The following DACH2 variants were observed in gnomAD, a reference collection of about 807,000 sequenced individuals.
DACH2 encodes the protein dachshund family transcription factor 2.
A neutral mutation model predicts 35.8 loss-of-function variants in DACH2; 17 were observed. The ratio of observed to expected loss-of-function variants is 0.48; its 90% CI spans 0.33 to 0.71. The LOEUF (loss-of-function observed/expected upper bound fraction) is 0.71, where lower values mean the gene tolerates loss of function less well. Ranked by LOEUF, DACH2 falls within the 30% of genes least tolerant of loss-of-function variation. The pLI, the probability that DACH2 is intolerant of heterozygous loss-of-function variation, is 0.02. For synonymous variants in DACH2, 195 were observed against 177.3 expected (o/e 1.10, Z -0.79); for missense variants, 469 against 472.7 (o/e 0.99, Z 0.07).
At chrX:86,275,398 A>G (rs1190163391) in intron 1 of DACH2, among the ~76,000 whole-genome samples, 1 of 111,330 alleles carries the variant, frequency 9.0e-6, no homozygotes, top group East Asian at 2.8e-4. Flanking sequence ...TTTAACCTTT[A>G]AAGTTTTTCA....
chrX:86,827,920 T>C lies in DACH2; in HGVS notation c.1751-4186T>C, dbSNP rs145536360. Reference sequence around the variant, plus strand: ...TTACTGTTTGTTCATTACTGATAAATAGAACCTTACACATACAGGAAAAAT... The same window carrying C: ...TTACTGTTTGTTCATTACTGATAAACAGAACCTTACACATACAGGAAAAAT... On this transcript the variant is annotated intron_variant, in intron 11 of 11. Transcript: ENST00000373125. 9.9e-4 allele frequency: 666 copies of C among 675,442 alleles called. 2 individuals carry two copies. In the African/African-American group the frequency reaches 0.013, roughly 13 times the overall value. 55.7% of individuals were successfully genotyped at this position (675,442 alleles called of 1,213,427 possible). A position where few individuals can be genotyped will look rare whatever the true frequency, so the allele number is the denominator to read the frequency against.
At chrX:86,476,879 A>C (rs954935677) in intron 2 of DACH2, among the ~76,000 whole-genome samples, 1 of 110,987 alleles carries the variant, frequency 9.0e-6, no homozygotes, top group Non-Finnish European at 1.9e-5. Context: ...GAAGGTTTTC[A>C]ATTTTCTTCT....
intron 1 of DACH2, among the ~76,000 whole-genome samples, chrX:86,318,008 C>T (rs1265506968): frequency 9.0e-6 from 1 of 111,677 alleles, no homozygotes; most frequent in Non-Finnish European, 1.9e-5. Flanking sequence ...GTAAAACAAC[C>T]AGTTTTTCCA....
intron 1 of DACH2, among the ~76,000 whole-genome samples, chrX:86,211,318 T>C (rs780214990): frequency 1.8e-5 from 2 of 111,767 alleles, no homozygotes; most frequent in South Asian, 3.7e-4. Flanking sequence ...CTCTTAAGTA[T>C]ATTTATATAT....
At chrX:86,515,473 C>T (rs1427710526) in intron 3 of DACH2, among the ~76,000 whole-genome samples, 1 of 110,373 alleles carries the variant, frequency 9.1e-6, no homozygotes, top group East Asian at 2.9e-4. Flanking sequence ...TGGGGAGTAG[C>T]AGTTAAGTTG....
intron 1 of DACH2, among the ~76,000 whole-genome samples, chrX:86,187,401 C>G (rs1314004823): frequency 9.3e-6 from 1 of 107,391 alleles, no homozygotes; most frequent in Non-Finnish European, 1.9e-5. Flanking sequence ...AATAAGGTAG[C>G]TTGCTATCTG....
chrX:86,286,180 TGCAGTGGCGCAATCTCGGCTCACTGCAA>T (rs1366597119), intron 1 of DACH2, among the ~76,000 whole-genome samples: 1 of 78,256 alleles, frequency 1.3e-5, no homozygotes, highest in East Asian at 5.0e-4. Context: ...GACTGCGGAC[TGCAGTGGCGCAATCTCGGCTCACTGCAA>T]GCTCCGCTTC....
At chrX:86,194,326 T>C (rs1444680014) in intron 1 of DACH2, among the ~76,000 whole-genome samples, 2 of 111,753 alleles carry the variant, frequency 1.8e-5, no homozygotes, top group African/African-American at 6.5e-5. Flanking sequence ...CTTCAAGATA[T>C]AGCTAATTAG....
intron 2 of DACH2, among the ~76,000 whole-genome samples, chrX:86,409,483 C>G (rs2036577190): frequency 9.0e-6 from 1 of 110,852 alleles, no homozygotes; most frequent in Non-Finnish European, 1.9e-5. Context: ...TGGTGCTGTC[C>G]TTGTGATAGC....
intron 5 of DACH2, among the ~76,000 whole-genome samples, chrX:86,712,187 T>C (rs1320597271): frequency 9.0e-6 from 1 of 111,522 alleles, no homozygotes; most frequent in Non-Finnish European, 1.9e-5. Flanking sequence ...AGGTCATTGA[T>C]TGTCGTTATT....
At chrX:86,221,248 A>G (rs2032704391) in intron 1 of DACH2, among the ~76,000 whole-genome samples, 1 of 111,800 alleles carries the variant, frequency 8.9e-6, no homozygotes, top group Non-Finnish European at 1.9e-5. Flanking sequence ...ATGATGTAAG[A>G]TAAGGATCCA....
chrX:86,268,771 C>T (rs112775938), intron 1 of DACH2, among the ~76,000 whole-genome samples: 3,656 of 110,054 alleles, frequency 0.033, 152 homozygotes, highest in African/African-American at 0.11. Context: ...TGACCTCAAG[C>T]GATCTGCTTG....
intron 3 of DACH2, among the ~76,000 whole-genome samples, chrX:86,528,615 G>C (rs774702576): frequency 8.9e-6 from 1 of 111,733 alleles, no homozygotes; most frequent in South Asian, 3.7e-4. Flanking sequence ...GAAATGTATG[G>C]CATTTTGTCA....
chrX:86,163,803 C>CT (rs1008599768), intron 1 of DACH2, among the ~76,000 whole-genome samples: 1 of 111,169 alleles, frequency 9.0e-6, no homozygotes, highest in South Asian at 3.8e-4. Flanking sequence ...ATATGTATCA[C>CT]TTTTTTTTAA....
intron 1 of DACH2, chrX:86,304,774 A>T (rs1433909632): frequency 6.3e-6 from 1 of 159,959 alleles, no homozygotes; most frequent in Admixed American, 5.7e-5. Flanking sequence ...GCAATATGGA[A>T]GTCACCCAGG....
chrX:86,374,423 T>C (rs1292064428), intron 1 of DACH2, among the ~76,000 whole-genome samples: 9 of 111,199 alleles, frequency 8.1e-5, no homozygotes, highest in Non-Finnish European at 1.5e-4. Context: ...AGGCTCTCTC[T>C]ACAGTAAGGT....
chrX:86,390,689 A>G (rs2036186737), intron 2 of DACH2, among the ~76,000 whole-genome samples: 1 of 110,168 alleles, frequency 9.1e-6, no homozygotes, highest in Non-Finnish European at 1.9e-5. Flanking sequence ...TCTCAGGTTC[A>G]AGCGATTCTG....
chrX:86,478,034 T>C (rs1226595499), intron 2 of DACH2, among the ~76,000 whole-genome samples: 1 of 111,974 alleles, frequency 8.9e-6, no homozygotes, highest in Non-Finnish European at 1.9e-5. Flanking sequence ...TTATTGTTTT[T>C]TCTATTTATA....
intron 1 of DACH2, among the ~76,000 whole-genome samples, chrX:86,254,695 A>C (rs2033467345): frequency 1.0e-5 from 1 of 98,781 alleles, no homozygotes; most frequent in Admixed American, 1.2e-4. Flanking sequence ...TTGAAGAAGC[A>C]CTCATAAGAA....
Sources: allele counts gnomAD v4.1 joint callset (sites outside exome capture counted in the v4.1 genomes callset), GRCh38; gene constraint gnomAD v4.1.1; transcripts MANE v1.5; gene names NCBI Gene and HGNC (gene_info 2026-07-23, HGNC 2026-07-21).